Variants in BET1 observed in about 807,000 individuals in gnomAD.
The protein encoded by BET1 is BET1 homolog.
In BET1, 9 loss-of-function variants were observed where a neutral mutation model predicts 13.9. The observed-to-expected ratio is 0.65, with a 90% CI of 0.39 to 1.13. The LOEUF is 1.13. Among genes scored for constraint, BET1 ranks in the 50% most tolerant of loss-of-function variants. The pLI is 0.01. For missense variants in BET1, 127 were observed against 133.6 expected (o/e 0.95, Z 0.24); for synonymous variants, 39 against 47.3 (o/e 0.82, Z 0.72).
chr7:93,975,361 A>G (rs1795319876), intron 5 of BET1, among the ~76,000 whole-genome samples: 1 of 152,102 alleles, frequency 6.6e-6, no homozygotes, highest in Non-Finnish European at 1.5e-5. Flanking sequence ...ATTGAAATAA[A>G]ATGTACTAGA....
At chr7:93,968,014 C>T (rs1001876209) in intron 6 of BET1, among the ~76,000 whole-genome samples, 1 of 151,674 alleles carries the variant, frequency 6.6e-6, no homozygotes, top group African/African-American at 2.4e-5. Context: ...TTTATCCTTC[C>T]ATTTTCTTAA....
chr7:93,979,566 T>C (rs1795393157), intron 4 of BET1, among the ~76,000 whole-genome samples: 1 of 152,038 alleles, frequency 6.6e-6, no homozygotes, highest in African/African-American at 2.4e-5. Flanking sequence ...CAATTCTTTT[T>C]GTGAGAACTT....
At chr7:93,973,286 C>T (rs1453348511) in intron 5 of BET1, among the ~76,000 whole-genome samples, 2 of 151,856 alleles carry the variant, frequency 1.3e-5, no homozygotes, top group Non-Finnish European at 1.5e-5. Context: ...TAAGCAAAAG[C>T]CTGGCATTTT....
chr7:93,963,397 T>A (rs145851143), exon 7 of BET1: 64 of 152,166 alleles, frequency 4.2e-4, no homozygotes, highest in African/African-American at 1.5e-3. Flanking sequence ...AAAGAGCAAG[T>A]CAGTATACAT....
At chr7:93,992,081 G>A (rs6945362), downstream of BET1, 348,272 of 985,124 alleles carry the variant, frequency 0.35, 63,346 homozygotes, top group East Asian at 0.45. Flanking sequence ...GTTGGGCAGC[G>A]ACATGCCAGT....
chr7:93,998,556 G>A (rs762425744), intron 2 of BET1, among the ~76,000 whole-genome samples: 11 of 151,996 alleles, frequency 7.2e-5, no homozygotes, highest in Non-Finnish European at 1.0e-4. Flanking sequence ...AAAATTAGCC[G>A]GGTGTGGTGG....
intron 4 of BET1, among the ~76,000 whole-genome samples, chr7:93,985,338 T>G (rs1346135631): frequency 6.6e-6 from 1 of 152,182 alleles, no homozygotes; most frequent in East Asian, 1.9e-4. Context: ...GGTTGTTTAA[T>G]GGCTCTGGGC....
intron 1 of BET1, among the ~76,000 whole-genome samples, chr7:94,002,870 T>A (rs1257555464): frequency 6.6e-6 from 1 of 152,224 alleles, no homozygotes; most frequent in Non-Finnish European, 1.5e-5. Flanking sequence ...TTCCTATGTC[T>A]CCACCAAATA....
chr7:93,981,960 G>A (rs1334138831), intron 4 of BET1, among the ~76,000 whole-genome samples: 1 of 152,094 alleles, frequency 6.6e-6, no homozygotes, highest in Non-Finnish European at 1.5e-5. Flanking sequence ...AGAGTGGATA[G>A]GCGAAGCTGA....
chr7:93,972,260 G>T (rs1002564654), intron 6 of BET1: 12 of 151,864 alleles, frequency 7.9e-5, no homozygotes, highest in African/African-American at 2.9e-4. Context: ...AAGTAGTCAG[G>T]CAATGAAACC....
At chr7:93,971,715 G>A (rs1255276418) in intron 6 of BET1, among the ~76,000 whole-genome samples, 2 of 151,482 alleles carry the variant, frequency 1.3e-5, no homozygotes, top group Non-Finnish European at 3.0e-5. Context: ...AAGTGTCTCG[G>A]TCTACATAAT....
intron 4 of BET1, among the ~76,000 whole-genome samples, chr7:93,979,948 TC>T (rs1435393760): frequency 1.3e-5 from 2 of 150,704 alleles, no homozygotes; most frequent in African/African-American, 4.9e-5. Context: ...GAGCAAGTGG[TC>T]AAAAAAACCC....
chr7:94,003,541 T>C (rs886443719), intron 1 of BET1, among the ~76,000 whole-genome samples: 2 of 152,114 alleles, frequency 1.3e-5, no homozygotes, highest in African/African-American at 2.4e-5. Context: ...TAAGGGTCCA[T>C]TAAAATTCCT....
chr7:93,999,265 TC>T lies in BET1; in HGVS notation c.48del (p.Asn17ThrfsTer23). ...LGEGVPPGNYGNYGYANSGYS... is the reference protein window; with the variant it reads ...LGEGVPPGNYXNYGYANSGYS... ...TACCCACTATTAGCATAGCCATAGT[TC>T]CCATAGTTGCCAGGAGGTACTCCTT... On this transcript the variant is annotated frameshift_variant, in exon 2 of 4. Coordinates refer to ENST00000222547, the MANE Select transcript of BET1 (RefSeq NM_005868.6). LOFTEE classifies it high-confidence loss of function. The T allele has an allele frequency of 6.2e-7, 1 of 1,612,772 alleles. No individual in the cohort carries two copies. The highest frequency in any genetic ancestry group is 8.5e-7 in the Non-Finnish European group (1 of 1,179,330).
At chr7:93,997,141 TTCA>T (rs1795789120) in intron 2 of BET1, among the ~76,000 whole-genome samples, 1 of 152,130 alleles carries the variant, frequency 6.6e-6, no homozygotes, top group Non-Finnish European at 1.5e-5. Flanking sequence ...ATAGGACAGA[TTCA>T]TCAAAGGCTT....
intron 1 of BET1, chr7:93,999,659 C>A: frequency 2.2e-6 from 1 of 457,322 alleles, no homozygotes; most frequent in Non-Finnish European, 4.4e-6. Flanking sequence ...ATCATCTACC[C>A]ATTGAAAAAG....
intron 1 of BET1, among the ~76,000 whole-genome samples, chr7:94,001,502 G>A (rs189873544): frequency 2.6e-5 from 4 of 152,240 alleles, no homozygotes; most frequent in Admixed American, 1.3e-4. Context: ...TATTGAAGAA[G>A]TATTTTCCAA....
At chr7:93,990,631 TG>T (rs1408304822), downstream of BET1, among the ~76,000 whole-genome samples, 1 of 152,148 alleles carries the variant, frequency 6.6e-6, no homozygotes, top group South Asian at 2.1e-4. Context: ...TTTACATAAT[TG>T]TATAATTATA....
intron 6 of BET1, among the ~76,000 whole-genome samples, chr7:93,968,002 A>G (rs1795201978): frequency 6.6e-6 from 1 of 151,786 alleles, no homozygotes; most frequent in East Asian, 1.9e-4. Flanking sequence ...ATGACATCCC[A>G]TTTTATCCTT....
Sources: allele counts gnomAD v4.1 joint callset (sites outside exome capture counted in the v4.1 genomes callset), GRCh38; gene constraint gnomAD v4.1.1; transcripts MANE v1.5; gene names NCBI Gene and HGNC (gene_info 2026-07-23, HGNC 2026-07-21).